The following KIAA1217 variants were observed in gnomAD, a reference collection of about 807,000 sequenced individuals.
KIAA1217 encodes sickle tail protein homolog.
KIAA1217 carries 88 observed loss-of-function variants against 163.9 expected under a neutral mutation model. The observed-to-expected ratio is 0.54, with a 90% CI of 0.45 to 0.64. The LOEUF is 0.64. Ranked by LOEUF, KIAA1217 falls within the 30% of genes least tolerant of loss-of-function variation. KIAA1217 has a pLI of 0.00. For synonymous variants in KIAA1217, 903 were observed against 923.1 expected (o/e 0.98, Z 0.39); for missense variants, 2,372 against 2,475.0 (o/e 0.96, Z 0.88).
chr10:24,200,994 G>C (rs543041220), intron 2 of KIAA1217, among the ~76,000 whole-genome samples: 2 of 152,190 alleles, frequency 1.3e-5, no homozygotes, highest in East Asian at 3.9e-4. Flanking sequence ...GCAGCAGCTG[G>C]GTGCCATGGC....
chr10:24,227,234 T>C (rs922585923), intron 2 of KIAA1217, among the ~76,000 whole-genome samples: 2 of 151,938 alleles, frequency 1.3e-5, no homozygotes, highest in Non-Finnish European at 2.9e-5. Flanking sequence ...CTTTTCTCAC[T>C]GCAACCTCTG....
intron 2 of KIAA1217, among the ~76,000 whole-genome samples, chr10:24,137,263 C>T (rs983268830): frequency 1.3e-5 from 2 of 152,186 alleles, no homozygotes; most frequent in African/African-American, 4.8e-5. Flanking sequence ...CCCATAGTTC[C>T]CCCTGCCCCA....
At chr10:23,770,737 T>C (rs545527861) in intron 1 of KIAA1217, among the ~76,000 whole-genome samples, 51 of 152,290 alleles carry the variant, frequency 3.3e-4, no homozygotes, top group Non-Finnish European at 5.7e-4. Flanking sequence ...CCCAAAGCAA[T>C]GTAACACAGA....
rs567053393 is a variant in KIAA1217, at chr10:24,350,182, A to C, written c.355-30687A>C. 2.0e-5 allele frequency among the ~76,000 whole-genome samples: 3 copies of C among 152,362 alleles called. No individual in the cohort carries two copies. In the South Asian group the frequency reaches 6.2e-4, roughly 32 times the overall value. On this transcript the variant is annotated intron_variant, in intron 2 of 20. Transcript: ENST00000376454. ...TTTTGGCTTGAGGCATAGAAGCCTCAGAAGCTGAAAGCAATGTTATATTTT... is the reference window on the plus strand; with the variant it reads ...TTTTGGCTTGAGGCATAGAAGCCTCCGAAGCTGAAAGCAATGTTATATTTT...
chr10:23,961,240 CT>C (rs1445896230), intron 1 of KIAA1217, among the ~76,000 whole-genome samples: 1 of 152,194 alleles, frequency 6.6e-6, no homozygotes. Context: ...TTTTACGTTG[CT>C]TTCTTGCAGT....
intron 9 of KIAA1217, among the ~76,000 whole-genome samples, chr10:24,506,727 T>C (rs1440055559): frequency 6.6e-6 from 1 of 152,192 alleles, no homozygotes; most frequent in African/African-American, 2.4e-5. Context: ...GCTTTCTGTC[T>C]GGAGGCACTT....
At chr10:23,705,955 A>G (rs1336137811) in intron 1 of KIAA1217, among the ~76,000 whole-genome samples, 2 of 152,096 alleles carry the variant, frequency 1.3e-5, no homozygotes, top group East Asian at 1.9e-4. Context: ...CATAGTTTTA[A>G]GAGTATACAT....
chr10:24,008,285 C>T (rs1160000644), intron 2 of KIAA1217, among the ~76,000 whole-genome samples: 1 of 152,122 alleles, frequency 6.6e-6, no homozygotes, highest in African/African-American at 2.4e-5. Context: ...CACTCAGCCA[C>T]ATCACAGAGG....
chr10:24,319,625 G>C (rs958614852), intron 2 of KIAA1217, among the ~76,000 whole-genome samples: 2 of 152,146 alleles, frequency 1.3e-5, no homozygotes, highest in African/African-American at 2.4e-5. Context: ...GAAGAGGCCC[G>C]GGGGCTAGAG....
At chr10:23,856,444 G>T (rs1486200208) in intron 1 of KIAA1217, among the ~76,000 whole-genome samples, 1 of 152,252 alleles carries the variant, frequency 6.6e-6, no homozygotes, top group African/African-American at 2.4e-5. Context: ...TCCCAGTTAG[G>T]CTGCTCGGGG....
At chr10:24,425,074 T>C (rs2059073048) in intron 3 of KIAA1217, among the ~76,000 whole-genome samples, 1 of 152,244 alleles carries the variant, frequency 6.6e-6, no homozygotes, top group African/African-American at 2.4e-5. Flanking sequence ...AGCCCTTGGC[T>C]TATTTCCTCT....
At chr10:23,856,274 C>T (rs1334032775) in intron 1 of KIAA1217, among the ~76,000 whole-genome samples, 1 of 152,312 alleles carries the variant, frequency 6.6e-6, no homozygotes, top group East Asian at 1.9e-4. Flanking sequence ...GCTAGAGGTC[C>T]ACTCCAGACC....
chr10:24,196,172 C>CACACACACACACACACACACACACACAT (rs1222471443), intron 2 of KIAA1217, among the ~76,000 whole-genome samples: 20 of 146,546 alleles, frequency 1.4e-4, no homozygotes, highest in Admixed American at 8.9e-4. Flanking sequence ...CACACACACA[C>CACACACACACACACACACACACACACAT]TGCCCTCACA....
chr10:24,093,285 C>T (rs1589465238), intron 2 of KIAA1217, among the ~76,000 whole-genome samples: 1 of 151,784 alleles, frequency 6.6e-6, no homozygotes, highest in African/African-American at 2.4e-5. Context: ...ATTCTCCTGC[C>T]TCAGCCTCCC....
At chr10:24,167,463 T>C (rs1466330848) in intron 2 of KIAA1217, among the ~76,000 whole-genome samples, 1 of 152,078 alleles carries the variant, frequency 6.6e-6, no homozygotes, top group Non-Finnish European at 1.5e-5. Flanking sequence ...TTTCCTGTAG[T>C]TCTCTACAAC....
At chr10:24,150,581 G>GT (rs780299218) in intron 2 of KIAA1217, among the ~76,000 whole-genome samples, 1 of 152,158 alleles carries the variant, frequency 6.6e-6, no homozygotes, top group Non-Finnish European at 1.5e-5. Flanking sequence ...TCCTGATAGA[G>GT]TGTAAGTATT....
intron 1 of KIAA1217, among the ~76,000 whole-genome samples, chr10:23,999,191 G>C (rs769409165): frequency 2.6e-5 from 4 of 152,196 alleles, no homozygotes; most frequent in Non-Finnish European, 4.4e-5. Flanking sequence ...GTTGCTGTTG[G>C]TTGCTTTGTT....
intron 3 of KIAA1217, among the ~76,000 whole-genome samples, chr10:24,399,867 T>A (rs947683371): frequency 6.6e-6 from 1 of 151,392 alleles, no homozygotes; most frequent in African/African-American, 2.4e-5. Context: ...AACAAAAAAA[T>A]AATAATAATA....
At chr10:24,381,397 T>C (rs893681152) in intron 3 of KIAA1217, among the ~76,000 whole-genome samples, 2 of 152,126 alleles carry the variant, frequency 1.3e-5, no homozygotes, top group African/African-American at 4.8e-5. Flanking sequence ...TACCAGTCTG[T>C]GGCCTGTTAG....
Sources: gnomAD v4.1 joint callset for allele counts (sites outside exome capture counted in the v4.1 genomes callset) on GRCh38, gnomAD v4.1.1 for gene constraint, MANE v1.5 for transcripts, NCBI Gene and HGNC (gene_info 2026-07-23, HGNC 2026-07-21) for gene names.